SDK1: variants seen among roughly 807,000 people sequenced by gnomAD.
SDK1 encodes protein sidekick-1.
Under a neutral mutation model 245.5 loss-of-function variants are expected in SDK1, and 157 were observed. That is an observed-to-expected ratio of 0.64 (90% CI 0.56 to 0.73). The LOEUF (loss-of-function observed/expected upper bound fraction) is 0.73. Among genes scored for constraint, SDK1 ranks in the 30% least tolerant of loss-of-function variants. SDK1 has a pLI of 0.00. For missense variants in SDK1, 3,583 were observed against 3,002.3 expected (o/e 1.19, Z -4.52); for synonymous variants, 1,647 against 1,278.5 (o/e 1.29, Z -6.15).
chr7:3,613,818 C>T (rs1922014), intron 1 of SDK1, among the ~76,000 whole-genome samples: 50,926 of 152,020 alleles, frequency 0.33, 8,745 homozygotes, highest in South Asian at 0.45. Context: ...AGATCATGTC[C>T]TTTGCAGGGA....
At chr7:3,662,894 ATACT>A (rs1459629564) in intron 4 of SDK1, among the ~76,000 whole-genome samples, 4 of 152,158 alleles carry the variant, frequency 2.6e-5, no homozygotes, top group Non-Finnish European at 5.9e-5. Context: ...CATTATGCAG[ATACT>A]TGAAATCTGA....
intron 4 of SDK1, among the ~76,000 whole-genome samples, chr7:3,690,380 G>A (rs949879370): frequency 6.6e-6 from 1 of 152,234 alleles, no homozygotes; most frequent in South Asian, 2.1e-4. Flanking sequence ...TTTGACAAAA[G>A]TATAATAATT....
chr7:3,700,479 G>A (rs558259190), intron 4 of SDK1, among the ~76,000 whole-genome samples: 2 of 152,120 alleles, frequency 1.3e-5, no homozygotes, highest in South Asian at 2.1e-4. Flanking sequence ...ACTGGTAAAC[G>A]TTGATACTAA....
intron 43 of SDK1, among the ~76,000 whole-genome samples, chr7:4,245,040 T>C (rs919544671): frequency 6.6e-6 from 1 of 152,186 alleles, no homozygotes; most frequent in African/African-American, 2.4e-5. Flanking sequence ...ACCCATTCCA[T>C]TTAATGTAAC....
intron 4 of SDK1, among the ~76,000 whole-genome samples, chr7:3,770,985 T>C (rs1028503246): frequency 6.6e-6 from 1 of 152,168 alleles, no homozygotes; most frequent in African/African-American, 2.4e-5. Flanking sequence ...GTATTGTTGC[T>C]CATGAGCCTC....
At chr7:3,585,931 C>G (rs1487530728) in intron 1 of SDK1, among the ~76,000 whole-genome samples, 1 of 152,174 alleles carries the variant, frequency 6.6e-6, no homozygotes. Flanking sequence ...TTCTTTGTTG[C>G]TAAAGGAGAC....
At chr7:4,088,266 C>A (rs202145275) in intron 22 of SDK1, among the ~76,000 whole-genome samples, 1 of 152,116 alleles carries the variant, frequency 6.6e-6, no homozygotes, top group Non-Finnish European at 1.5e-5. Flanking sequence ...CTGTTAATGG[C>A]GACAGTTTTT....
intron 17 of SDK1, among the ~76,000 whole-genome samples, chr7:4,042,237 A>G (rs1339009205): frequency 7.4e-6 from 1 of 135,500 alleles, no homozygotes; most frequent in African/African-American, 3.4e-5. Context: ...GCACTGTCCC[A>G]CCTCCTTCTT....
intron 25 of SDK1, among the ~76,000 whole-genome samples, chr7:4,126,430 C>A (rs1172223510): frequency 6.6e-6 from 1 of 152,234 alleles, no homozygotes; most frequent in African/African-American, 2.4e-5. Flanking sequence ...AGAAAATGAT[C>A]TTACATGTGG....
intron 4 of SDK1, among the ~76,000 whole-genome samples, chr7:3,657,026 C>T (rs1049435145): frequency 7.2e-5 from 11 of 152,158 alleles, no homozygotes; most frequent in East Asian, 1.9e-4. Flanking sequence ...GGATTACAGG[C>T]GTGAGCCACC....
chr7:3,398,103 A>T (rs994395542), intron 1 of SDK1, among the ~76,000 whole-genome samples: 8 of 151,872 alleles, frequency 5.3e-5, no homozygotes, highest in African/African-American at 1.9e-4. Context: ...TGTAGGTTTA[A>T]CGTTTTCTGT....
chr7:3,477,245 G>C (rs999655855), intron 1 of SDK1, among the ~76,000 whole-genome samples: 8 of 132,818 alleles, frequency 6.0e-5, no homozygotes, highest in African/African-American at 2.4e-4. Flanking sequence ...GCTCAGGCTG[G>C]AGTGCAGCGG....
chr7:3,542,904 G>A (rs1269833551), intron 1 of SDK1, among the ~76,000 whole-genome samples: 1 of 152,208 alleles, frequency 6.6e-6, no homozygotes, highest in Non-Finnish European at 1.5e-5. Context: ...CCCAAAAGGG[G>A]AGACTAGGAA....
intron 16 of SDK1, among the ~76,000 whole-genome samples, chr7:4,015,335 C>T (rs541378518): frequency 8.5e-5 from 13 of 152,320 alleles, no homozygotes; most frequent in East Asian, 3.9e-4. Flanking sequence ...CCTTCTTAAA[C>T]GGCATCCTCA....
rs186052870 is a variant in SDK1, at chr7:3,870,328, G to T, written c.847+48745G>T. Among the ~76,000 whole-genome samples, 135 of 152,264 alleles carry T rather than the reference G, an allele frequency of 8.9e-4. 1 individual carries two copies. The highest frequency in any genetic ancestry group is 1.6e-3 in the Admixed American group (24 of 15,298). On this transcript the variant is annotated intron_variant, in intron 5 of 44. Coordinates refer to ENST00000404826, the MANE Select transcript of SDK1 (RefSeq NM_152744.4). ...CGACTTGGCCCCTTTTAAGCTGAGG[G>T]AACTGACCTTATGTGTCAATTTCCA...
chr7:3,611,511 A>T (rs1287804391), intron 1 of SDK1, among the ~76,000 whole-genome samples: 1 of 152,058 alleles, frequency 6.6e-6, no homozygotes, highest in Admixed American at 6.5e-5. Flanking sequence ...TCCTAAAACA[A>T]TCATAGGTCT....
At chr7:3,967,215 C>T (rs1401273121) in intron 9 of SDK1, 103 bp from the exon 10 acceptor site, 1 of 838,790 alleles carries the variant, frequency 1.2e-6, no homozygotes, top group South Asian at 1.5e-5. Flanking sequence ...GCTACAGTTA[C>T]CTCTGTGATT....
chr7:3,775,206 T>G (rs1353467753), intron 4 of SDK1, among the ~76,000 whole-genome samples: 1 of 152,208 alleles, frequency 6.6e-6, no homozygotes, highest in African/African-American at 2.4e-5. Flanking sequence ...AGAAATAGTT[T>G]AAGGTGTTTG....
At chr7:3,619,007 A>T in intron 1 of SDK1, 73 bp from the exon 2 acceptor site, 1 of 1,205,480 alleles carries the variant, frequency 8.3e-7, no homozygotes. Context: ...TAAATAATAG[A>T]TTTATTAAAT....
Sources: allele counts gnomAD v4.1 joint callset (sites outside exome capture counted in the v4.1 genomes callset), GRCh38; gene constraint gnomAD v4.1.1; transcripts MANE v1.5; gene names NCBI Gene and HGNC (gene_info 2026-07-23, HGNC 2026-07-21).